Variants in SLC28A1 observed in about 807,000 individuals in gnomAD.
SLC28A1 encodes sodium/nucleoside cotransporter 1.
In SLC28A1, 64 loss-of-function variants were observed where a neutral mutation model predicts 74.8. That is an observed-to-expected ratio of 0.86 (90% CI 0.70 to 1.05). The LOEUF is 1.05. SLC28A1 is among the 50% of genes least tolerant of loss of function. The probability of loss-of-function intolerance (pLI) is 0.00; values close to 1 mark genes in which losing one functional copy is unlikely to be tolerated. For synonymous variants in SLC28A1, 359 were observed against 335.0 expected, an observed-to-expected ratio of 1.07 and a Z score of -0.78; for missense variants, 828 against 822.8, an observed-to-expected ratio of 1.01 and a Z score of -0.08.
At chr15:84,908,181 T>TC (rs1407499160) in intron 8 of SLC28A1, among the ~76,000 whole-genome samples, 30 of 93,038 alleles carry the variant, frequency 3.2e-4, no homozygotes, top group Non-Finnish European at 7.0e-4. Flanking sequence ...AGCATTTCTT[T>TC]TTTTTTTTTT....
chr15:84,904,776 T>A (rs1195098391), intron 7 of SLC28A1, among the ~76,000 whole-genome samples: 1 of 1,892 alleles, frequency 5.3e-4, no homozygotes, highest in African/African-American at 4.1e-3. Flanking sequence ...TTCTGATGTG[T>A]ACTAAATTCT....
At chr15:84,917,816 C>T (rs1037523008) in intron 9 of SLC28A1, among the ~76,000 whole-genome samples, 3 of 152,044 alleles carry the variant, frequency 2.0e-5, no homozygotes, top group African/African-American at 7.2e-5. Flanking sequence ...CATCAGACTA[C>T]AGTAAAGAAA....
intron 11 of SLC28A1, 44 bp from the exon 12 acceptor site, chr15:84,923,941 C>T: frequency 1.9e-6 from 3 of 1,613,592 alleles, no homozygotes; most frequent in Non-Finnish European, 2.5e-6. Context: ...AGGATGTGCC[C>T]AATCACCCCC....
chr15:84,896,728 C>T (rs531874033), intron 6 of SLC28A1, among the ~76,000 whole-genome samples: 1 of 152,126 alleles, frequency 6.6e-6, no homozygotes, highest in East Asian at 1.9e-4. Context: ...ACCCATATGT[C>T]TATAAACTGA....
chr15:84,895,936 A>G (rs2141694598), intron 6 of SLC28A1: 4 of 991,266 alleles, frequency 4.0e-6, no homozygotes, highest in Non-Finnish European at 4.8e-6. Flanking sequence ...ACCACAGCAA[A>G]ATGATTTGAG....
chr15:84,920,905 C>T, intron 10 of SLC28A1, 84 bp from the exon 11 acceptor site: 1 of 1,060,596 alleles, frequency 9.4e-7, no homozygotes, highest in Non-Finnish European at 1.5e-6. Flanking sequence ...TGGGAGGAAA[C>T]TGTGTAAGGT....
chr15:84,906,570 CTT>C (rs1177699862), intron 8 of SLC28A1, among the ~76,000 whole-genome samples: 4,053 of 37,472 alleles, frequency 0.11, 148 homozygotes, highest in South Asian at 0.15. Flanking sequence ...CTTTCTCTTT[CTT>C]TCTTCCTTCC....
chr15:84,931,848 A>G (rs1471286457), intron 12 of SLC28A1, among the ~76,000 whole-genome samples: 3 of 151,394 alleles, frequency 2.0e-5, no homozygotes, highest in Non-Finnish European at 2.9e-5. Flanking sequence ...CTAAAAATAC[A>G]AAAATTAGCC....
intron 1 of SLC28A1, among the ~76,000 whole-genome samples, chr15:84,885,330 A>G (rs1447356676): frequency 6.6e-6 from 1 of 151,798 alleles, no homozygotes; most frequent in Non-Finnish European, 1.5e-5. Flanking sequence ...TGGGCTCTCA[A>G]CAGTGTGCGG....
At position 84,935,230 on chromosome 15, in the gene SLC28A1, G is replaced by A. The variant is rs766915886; in HGVS notation, c.1383+36G>A. On this transcript the variant is annotated intron_variant, in intron 14 of 18. Transcript: ENST00000394573. ...GGCCACCACACTCAGTCTGTAGAGA[G>A]GATGGCCCCAGGTGGGTGGTGAGTG... 5 of 1,613,196 alleles carry A rather than the reference G, an allele frequency of 3.1e-6. No individual in the cohort carries two copies. In the East Asian group the frequency reaches 8.9e-5, roughly 29 times the overall value.
chr15:84,895,675 G>T, intron 6 of SLC28A1: 1 of 1,408,844 alleles, frequency 7.1e-7, no homozygotes, highest in South Asian at 1.6e-5. Flanking sequence ...CAGACTTCCC[G>T]CCCAGCCCAC....
At chr15:84,960,224 C>T in the SLC28A1 span, among the ~76,000 whole-genome samples, 1 of 134,428 alleles carries the variant, frequency 7.4e-6, no homozygotes, top group Admixed American at 7.7e-5. Context: ...CCTGTGCCTG[C>T]CTGCTTTTTT....
intron 13 of SLC28A1, among the ~76,000 whole-genome samples, chr15:84,933,930 G>A (rs759863576): frequency 9.2e-5 from 14 of 152,224 alleles, no homozygotes; most frequent in East Asian, 7.7e-4. Context: ...AGCCTAGATC[G>A]CACCACTGTA....
chr15:84,944,518 G>A, intron 16 of SLC28A1, 48 bp from the exon 17 acceptor site: 1 of 1,346,764 alleles, frequency 7.4e-7, no homozygotes. Flanking sequence ...AACGCGGGCA[G>A]AGAGGGACAC....
chr15:84,948,782 T>A (rs561582427), downstream of SLC28A1, among the ~76,000 whole-genome samples: 1 of 152,320 alleles, frequency 6.6e-6, no homozygotes, highest in East Asian at 1.9e-4. Flanking sequence ...AATCAAGCAG[T>A]CATTCATCAT....
intron 9 of SLC28A1, among the ~76,000 whole-genome samples, chr15:84,913,370 G>A (rs1208676187): frequency 1.1e-4 from 16 of 143,666 alleles, no homozygotes; most frequent in Admixed American, 1.0e-3. Context: ...CCTCCAGGGA[G>A]AGGAGGGGGC....
At chr15:84,938,466 G>A (rs1002795164) in intron 15 of SLC28A1, 2 of 152,154 alleles carry the variant, frequency 1.3e-5, no homozygotes, top group East Asian at 1.9e-4. Flanking sequence ...CACAGGGGCC[G>A]TGCTAATCTT....
chr15:84,888,662 G>T, intron 3 of SLC28A1, 110 bp from the exon 4 acceptor site: 1 of 742,404 alleles, frequency 1.3e-6, no homozygotes, highest in Non-Finnish European at 2.4e-6. Flanking sequence ...CTGTGCCCCA[G>T]CCCAGTCCCC....
At chr15:84,950,327 A>T (rs566789818), downstream of SLC28A1, among the ~76,000 whole-genome samples, 2 of 151,202 alleles carry the variant, frequency 1.3e-5, no homozygotes, top group South Asian at 4.2e-4. Flanking sequence ...CCGTGTAGAA[A>T]GACAGCTGGC....
Sources: allele counts gnomAD v4.1 joint callset (sites outside exome capture counted in the v4.1 genomes callset), GRCh38; gene constraint gnomAD v4.1.1; transcripts MANE v1.5; gene names NCBI Gene and HGNC (gene_info 2026-07-23, HGNC 2026-07-21).